DGKI: variants seen among roughly 807,000 people sequenced by gnomAD.
The protein encoded by DGKI is DAG kinase iota.
DGKI carries 55 observed loss-of-function variants against 147.5 expected under a neutral mutation model. The observed-to-expected ratio is 0.37, with a 90% CI of 0.30 to 0.47. The LOEUF (loss-of-function observed/expected upper bound fraction) is 0.47. Ranked by LOEUF, DGKI falls within the 20% of genes least tolerant of loss-of-function variation. The pLI is 1.00. For synonymous variants in DGKI, 469 were observed against 477.1 expected (o/e 0.98, Z 0.22); for missense variants, 1,007 against 1,323.8 (o/e 0.76, Z 3.71).
chr7:137,669,436 T>C (rs111741614), intron 3 of DGKI, among the ~76,000 whole-genome samples: 2 of 152,186 alleles, frequency 1.3e-5, no homozygotes, highest in African/African-American at 4.8e-5. Context: ...TGGAAAACAT[T>C]GCAAGAAGAG....
At position 137,738,834 on chromosome 7, in the gene DGKI, A is replaced by G. The variant is rs1288920853; in HGVS notation, c.402-48832T>C. Among the ~76,000 whole-genome samples, 3 of 151,384 alleles carry G rather than the reference A, an allele frequency of 2.0e-5. No homozygotes were observed. The East Asian group carries it at 5.9e-4, about 30-fold the overall frequency. On this transcript the variant is annotated intron_variant, in intron 1 of 32. Coordinates refer to ENST00000614521, the MANE Select transcript of DGKI (RefSeq NM_001321708.2). ...TACAATTTTGAAAGTATCCATCATC[A>G]GCCAAACCAGAACACGCAGGTCTGG...
chr7:137,532,017 T>G (rs1049789777), intron 20 of DGKI, among the ~76,000 whole-genome samples: 3 of 107,716 alleles, frequency 2.8e-5, no homozygotes, highest in African/African-American at 1.1e-4. Flanking sequence ...TGAACACATT[T>G]CATCTACAAA....
intron 27 of DGKI, among the ~76,000 whole-genome samples, chr7:137,445,205 T>C (rs1813668053): frequency 6.6e-6 from 1 of 152,244 alleles, no homozygotes; most frequent in African/African-American, 2.4e-5. Flanking sequence ...CTTTATCTAC[T>C]GGTTAGTAAG....
At chr7:137,504,330 A>T (rs1816290509) in intron 21 of DGKI, among the ~76,000 whole-genome samples, 1 of 152,210 alleles carries the variant, frequency 6.6e-6, no homozygotes, top group Non-Finnish European at 1.5e-5. Context: ...GAAGCCATTG[A>T]CCTATTCAAA....
rs1055842921 is a variant in DGKI at position 137,722,080 on chromosome 7, C to T, written c.402-32078G>A. On this transcript the variant is annotated intron_variant, in intron 1 of 32. Transcript: ENST00000614521. ...TGGTGGCAAGGTGAAAAAGGGTAACCTCAAGGCTAAAAAGCCCAAGAAGGG... is the reference window on the plus strand; with the variant it reads ...TGGTGGCAAGGTGAAAAAGGGTAACTTCAAGGCTAAAAAGCCCAAGAAGGG... 5.6e-6 allele frequency: 9 copies of T among 1,597,886 alleles called. No individual in the cohort carries two copies. The Admixed American group carries it at 1.0e-4, about 18-fold the overall frequency.
intron 23 of DGKI, among the ~76,000 whole-genome samples, chr7:137,471,946 CAT>C (rs1037014234): frequency 1.5e-5 from 2 of 133,668 alleles, no homozygotes; most frequent in African/African-American, 5.9e-5. Context: ...AATATATACA[CAT>C]GTATATATTA....
intron 1 of DGKI, among the ~76,000 whole-genome samples, chr7:137,759,225 A>G (rs1337414110): frequency 6.6e-6 from 1 of 151,948 alleles, no homozygotes; most frequent in Non-Finnish European, 1.5e-5. Context: ...TTGATTTTCT[A>G]TTTCTTAGTT....
intron 6 of DGKI, among the ~76,000 whole-genome samples, chr7:137,642,079 T>C (rs1029937316): frequency 6.6e-6 from 1 of 152,162 alleles, no homozygotes; most frequent in African/African-American, 2.4e-5. Flanking sequence ...CCTCCAACCA[T>C]TGATTGACTA....
At chr7:137,768,483 G>A (rs1026845127) in intron 1 of DGKI, among the ~76,000 whole-genome samples, 6 of 152,062 alleles carry the variant, frequency 3.9e-5, no homozygotes, top group East Asian at 1.9e-4. Flanking sequence ...GACAAGAGAC[G>A]ACTCTCAAGA....
chr7:137,767,702 G>A (rs927667777), intron 1 of DGKI, among the ~76,000 whole-genome samples: 4 of 152,168 alleles, frequency 2.6e-5, no homozygotes, highest in Admixed American at 6.5e-5. Flanking sequence ...CTGGAGCCTC[G>A]TTTACTTTGG....
intron 14 of DGKI, among the ~76,000 whole-genome samples, chr7:137,584,322 T>A (rs973698488): frequency 2.0e-5 from 3 of 152,016 alleles, no homozygotes; most frequent in African/African-American, 7.2e-5. Context: ...AGAAGGAAAA[T>A]GGAAAGTAAT....
At chr7:137,788,801 G>A (rs2116917856) in intron 1 of DGKI, among the ~76,000 whole-genome samples, 1 of 152,162 alleles carries the variant, frequency 6.6e-6, no homozygotes, top group Admixed American at 6.5e-5. Flanking sequence ...GAGTTAAGTG[G>A]ATTAAGTGCC....
At chr7:137,737,319 T>C (rs566107030) in intron 1 of DGKI, among the ~76,000 whole-genome samples, 43 of 152,006 alleles carry the variant, frequency 2.8e-4, no homozygotes, top group Admixed American at 2.6e-3. Flanking sequence ...AGGAGAACTT[T>C]CAACAGCAAG....
At chr7:137,721,929 C>A (rs1035149940) in intron 1 of DGKI, 53 of 1,079,784 alleles carry the variant, frequency 4.9e-5, no homozygotes, top group Admixed American at 1.1e-4. Flanking sequence ...AGCTAATACT[C>A]CATCCTCAGT....
intron 1 of DGKI, among the ~76,000 whole-genome samples, chr7:137,695,463 T>A (rs1823749414): frequency 6.6e-6 from 1 of 152,220 alleles, no homozygotes; most frequent in African/African-American, 2.4e-5. Flanking sequence ...TGAATCTTTT[T>A]ACATATTTTA....
intron 23 of DGKI, among the ~76,000 whole-genome samples, chr7:137,481,742 G>C (rs1161960898): frequency 6.6e-6 from 1 of 152,022 alleles, no homozygotes; most frequent in Non-Finnish European, 1.5e-5. Context: ...TCACTAATAA[G>C]GTGTCTTGGG....
chr7:137,648,808 T>C (rs527849856), intron 5 of DGKI, among the ~76,000 whole-genome samples: 1 of 152,196 alleles, frequency 6.6e-6, no homozygotes, highest in Non-Finnish European at 1.5e-5. Context: ...GGTAAGCAGA[T>C]GTAGAATATC....
chr7:137,786,576 T>A (rs182842645), intron 1 of DGKI, among the ~76,000 whole-genome samples: 1 of 150,444 alleles, frequency 6.6e-6, no homozygotes, highest in East Asian at 2.0e-4. Context: ...GCAATTCCCA[T>A]CAAAATACCA....
intron 23 of DGKI, among the ~76,000 whole-genome samples, chr7:137,484,285 T>C (rs1444470734): frequency 6.6e-6 from 1 of 152,126 alleles, no homozygotes; most frequent in Non-Finnish European, 1.5e-5. Context: ...CTTTAAATTA[T>C]TGTGTTTTCT....
Sources: gnomAD v4.1 joint callset for allele counts (sites outside exome capture counted in the v4.1 genomes callset) on GRCh38, gnomAD v4.1.1 for gene constraint, MANE v1.5 for transcripts, NCBI Gene and HGNC (gene_info 2026-07-23, HGNC 2026-07-21) for gene names.